The following RORA variants were observed in gnomAD, a reference collection of about 807,000 sequenced individuals.
RORA encodes the protein nuclear receptor ROR-alpha.
Under a neutral mutation model 69.5 loss-of-function variants are expected in RORA, and 7 were observed. The observed-to-expected ratio is 0.10, with a 90% confidence interval of 0.06 to 0.19. The LOEUF is 0.19. Among genes scored for constraint, RORA ranks in the 10% least tolerant of loss-of-function variants. RORA has a pLI of 1.00. For missense variants in RORA, 457 were observed against 663.0 expected, an observed-to-expected ratio of 0.69 and a Z score of 3.41; for synonymous variants, 261 against 240.8, an observed-to-expected ratio of 1.08 and a Z score of -0.78.
rs181789988 is a variant in RORA at position 60,558,825 on chromosome 15, C to G, written c.197-26974G>C. Among the ~76,000 whole-genome samples the G allele has an allele frequency of 6.6e-5, 10 of 151,484 alleles. No individual in the cohort carries two copies. The East Asian group carries it at 1.9e-3, about 29-fold the overall frequency. On this transcript the variant is annotated intron_variant, in intron 2 of 10. Coordinates refer to ENST00000335670, the MANE Select transcript of RORA (RefSeq NM_134261.3). ...AGGTCTGAAGATCAGGTAGCAATGT[C>G]TACTTTATATTTTTGGCTTTGACTG...
At chr15:60,897,113 G>C (rs1891250743) in intron 1 of RORA, among the ~76,000 whole-genome samples, 2 of 152,118 alleles carry the variant, frequency 1.3e-5, no homozygotes, top group African/African-American at 2.4e-5. Context: ...GGACCAAGGA[G>C]AGTTCCAGTC....
chr15:61,098,672 C>T (rs1287840769), intron 1 of RORA, among the ~76,000 whole-genome samples: 3 of 152,290 alleles, frequency 2.0e-5, no homozygotes, highest in African/African-American at 7.2e-5. Context: ...CTGTAAAGGG[C>T]TTCCATGTAT....
At chr15:60,672,645 C>T (rs780688901) in intron 2 of RORA, among the ~76,000 whole-genome samples, 1 of 152,176 alleles carries the variant, frequency 6.6e-6, no homozygotes, top group Non-Finnish European at 1.5e-5. Flanking sequence ...GGTGAGCTAA[C>T]GAGGTTTTTC....
At chr15:60,848,830 C>T (rs1384932838) in intron 1 of RORA, 1 of 152,208 alleles carries the variant, frequency 6.6e-6, no homozygotes, top group African/African-American at 2.4e-5. Flanking sequence ...GGGAAATCCA[C>T]TCATAATCTG....
chr15:61,029,756 C>G (rs1896046112), intron 1 of RORA, among the ~76,000 whole-genome samples: 1 of 152,088 alleles, frequency 6.6e-6, no homozygotes, highest in East Asian at 1.9e-4. Context: ...CCATGGGAGA[C>G]AGGACACTGT....
intron 2 of RORA, among the ~76,000 whole-genome samples, chr15:60,550,715 T>A (rs1057326528): frequency 2.0e-5 from 3 of 152,130 alleles, no homozygotes; most frequent in Admixed American, 2.0e-4. Context: ...AGATGGTGAC[T>A]CTCCAAGGGG....
At chr15:60,662,411 A>G (rs1488794537) in intron 2 of RORA, among the ~76,000 whole-genome samples, 1 of 152,270 alleles carries the variant, frequency 6.6e-6, no homozygotes, top group Non-Finnish European at 1.5e-5. Context: ...AACATGGAAT[A>G]TGTATAACTA....
chr15:60,937,365 T>C (rs1265490667), intron 1 of RORA, among the ~76,000 whole-genome samples: 1 of 152,218 alleles, frequency 6.6e-6, no homozygotes, highest in Admixed American at 6.5e-5. Flanking sequence ...ATAAGGCTTT[T>C]GTCTTGGTGA....
At chr15:60,505,232 T>C (rs1265595606) in intron 6 of RORA, among the ~76,000 whole-genome samples, 1 of 152,210 alleles carries the variant, frequency 6.6e-6, no homozygotes, top group African/African-American at 2.4e-5. Context: ...ATTTAGACTT[T>C]TGGAAGCTGC....
rs113644119 is a variant in RORA, at chr15:61,003,036, C to T, written c.166+226017G>A. Among the ~76,000 whole-genome samples, 183 of 147,158 alleles carry T rather than the reference C, an allele frequency of 1.2e-3. 1 individual carries two copies. Among genetic ancestry groups the T allele is most frequent in the African/African-American group, 3.9e-3 (157 of 39,882 alleles). ...GCGGGCGCCTGTAGTCCCAGCTACT[C>T]GGGAGGCTGAGGCAGGAGAATGGTG... On this transcript the variant is annotated intron_variant, in intron 1 of 10. Coordinates refer to ENST00000335670, the MANE Select transcript of RORA (RefSeq NM_134261.3).
intron 1 of RORA, among the ~76,000 whole-genome samples, chr15:60,880,029 C>T (rs954062648): frequency 6.6e-6 from 1 of 152,170 alleles, no homozygotes; most frequent in African/African-American, 2.4e-5. Flanking sequence ...TCTACTCCTT[C>T]ACCCATGGGT....
chr15:61,177,283 G>A (rs1168295751), intron 1 of RORA, among the ~76,000 whole-genome samples: 3 of 152,216 alleles, frequency 2.0e-5, no homozygotes, highest in Non-Finnish European at 4.4e-5. Flanking sequence ...AAAAACAGGT[G>A]AGTGGGGACT....
At chr15:61,140,623 T>C (rs1271788353) in intron 1 of RORA, among the ~76,000 whole-genome samples, 1 of 151,912 alleles carries the variant, frequency 6.6e-6, no homozygotes, top group Admixed American at 6.6e-5. Flanking sequence ...ACTAGAGATC[T>C]ACAAGGGGAC....
At chr15:61,049,299 A>C (rs1401555683) in intron 1 of RORA, among the ~76,000 whole-genome samples, 2 of 152,208 alleles carry the variant, frequency 1.3e-5, no homozygotes, top group Non-Finnish European at 2.9e-5. Context: ...AGAGATGAGC[A>C]TGGTGATATC....
intron 1 of RORA, among the ~76,000 whole-genome samples, chr15:60,892,214 TG>T (rs2073819919): frequency 2.0e-5 from 3 of 152,202 alleles, no homozygotes; most frequent in Admixed American, 6.5e-5. Context: ...GGAAATGTCT[TG>T]CCCAGTGTTA....
At chr15:61,035,344 GATAAAA>G (rs1486472247) in intron 1 of RORA, among the ~76,000 whole-genome samples, 1 of 151,842 alleles carries the variant, frequency 6.6e-6, no homozygotes, top group East Asian at 1.9e-4. Context: ...AAACATACCA[GATAAAA>G]ATAAAAAGAT....
chr15:60,622,561 G>A (rs113347939), intron 2 of RORA, among the ~76,000 whole-genome samples: 2,952 of 151,980 alleles, frequency 0.019, 80 homozygotes, highest in African/African-American at 0.062. Context: ...GCAGTGAGGC[G>A]GAGGTTTCAG....
At chr15:60,625,752 A>G (rs1003662617) in intron 2 of RORA, among the ~76,000 whole-genome samples, 1 of 152,258 alleles carries the variant, frequency 6.6e-6, no homozygotes, top group African/African-American at 2.4e-5. Context: ...TGAATTCATC[A>G]TGCTAACATA....
chr15:61,184,554 A>C (rs1233554473), intron 1 of RORA, among the ~76,000 whole-genome samples: 2 of 152,128 alleles, frequency 1.3e-5, no homozygotes, highest in Non-Finnish European at 2.9e-5. Flanking sequence ...TCTATACACA[A>C]CCATCTCCTC....
Sources: gnomAD v4.1 joint callset for allele counts (sites outside exome capture counted in the v4.1 genomes callset) on GRCh38, gnomAD v4.1.1 for gene constraint, MANE v1.5 for transcripts, NCBI Gene and HGNC (gene_info 2026-07-23, HGNC 2026-07-21) for gene names.